Variants in IFT80 observed in about 807,000 individuals in gnomAD.
IFT80 encodes the protein intraflagellar transport protein 80 homolog.
Under a neutral mutation model 107.9 loss-of-function variants are expected in IFT80, and 79 were observed. The observed-to-expected ratio is 0.73, with a 90% CI of 0.61 to 0.88. The LOEUF (loss-of-function observed/expected upper bound fraction) is 0.88. Ranked by LOEUF, IFT80 falls within the 40% of genes least tolerant of loss-of-function variation. The probability of loss-of-function intolerance (pLI) is 0.00; values close to 1 mark genes in which losing one functional copy is unlikely to be tolerated. For missense variants in IFT80, 797 were observed against 914.2 expected, an observed-to-expected ratio of 0.87 and a Z score of 1.65; for synonymous variants, 299 against 300.9, an observed-to-expected ratio of 0.99 and a Z score of 0.07.
intron 10 of IFT80, among the ~76,000 whole-genome samples, 159 bp downstream of exon 10, chr3:160,307,504 T>A (rs1370075517): frequency 6.6e-6 from 1 of 152,180 alleles, no homozygotes; most frequent in Admixed American, 6.5e-5. Context: ...CTGCTCTAAG[T>A]TCACTTTCTC....
chr3:160,311,723 C>T (rs181124142), intron 9 of IFT80, among the ~76,000 whole-genome samples: 24 of 152,296 alleles, frequency 1.6e-4, no homozygotes, highest in African/African-American at 5.8e-4. Context: ...AAGAAAAACA[C>T]CTCTACTTGA....
chr3:160,325,270 G>T (rs1224679676), intron 8 of IFT80, among the ~76,000 whole-genome samples: 4 of 152,128 alleles, frequency 2.6e-5, no homozygotes, highest in Non-Finnish European at 5.9e-5. Flanking sequence ...CACAGAATTG[G>T]AAAAAACTAC....
intron 8 of IFT80, among the ~76,000 whole-genome samples, chr3:160,341,601 G>A (rs567198799): frequency 2.8e-4 from 42 of 152,162 alleles, no homozygotes; most frequent in East Asian, 5.8e-4. Context: ...CTGAGGGAGC[G>A]TTTAAAATTG....
chr3:160,275,911 T>G (rs1270155120), intron 18 of IFT80, among the ~76,000 whole-genome samples: 2 of 152,194 alleles, frequency 1.3e-5, no homozygotes, highest in Non-Finnish European at 2.9e-5. Context: ...GGCTTATTTA[T>G]TTATTTATTT....
chr3:160,265,206 A>G (rs1301220258), intron 19 of IFT80, among the ~76,000 whole-genome samples: 1 of 152,226 alleles, frequency 6.6e-6, no homozygotes, highest in African/African-American at 2.4e-5. Flanking sequence ...GAGGCACTCA[A>G]TAAATACTGA....
At chr3:160,315,698 TC>T (rs1027918790) in intron 9 of IFT80, among the ~76,000 whole-genome samples, 3 of 152,076 alleles carry the variant, frequency 2.0e-5, no homozygotes, top group Non-Finnish European at 4.4e-5. Flanking sequence ...CACCCTCTTT[TC>T]CCTTTGCCAT....
At chr3:160,345,183 TA>T (rs1720200491) in intron 8 of IFT80, among the ~76,000 whole-genome samples, 2 of 152,148 alleles carry the variant, frequency 1.3e-5, no homozygotes, top group Non-Finnish European at 2.9e-5. Flanking sequence ...GGAAGCAACC[TA>T]AGTGTCCATC....
intron 8 of IFT80, among the ~76,000 whole-genome samples, chr3:160,354,654 A>G (rs551082406): frequency 6.6e-6 from 1 of 152,232 alleles, no homozygotes; most frequent in South Asian, 2.1e-4. Context: ...CTCCGTCTCA[A>G]AAATAAATAA....
intron 16 of IFT80, among the ~76,000 whole-genome samples, chr3:160,278,813 G>A (rs1158220356): frequency 1.3e-5 from 2 of 152,026 alleles, no homozygotes; most frequent in Non-Finnish European, 2.9e-5. Context: ...AAGGCTGATC[G>A]AAAGCAGAGA....
At chr3:160,398,977 G>A (rs1006309349) in intron 1 of IFT80, among the ~76,000 whole-genome samples, 169 bp downstream of exon 1, 18 of 152,018 alleles carry the variant, frequency 1.2e-4, no homozygotes, top group Non-Finnish European at 2.2e-4. Context: ...AAAATTTAGG[G>A]CTTCCTCCTT....
intron 9 of IFT80, among the ~76,000 whole-genome samples, chr3:160,308,902 C>T (rs1316281746): frequency 1.3e-5 from 2 of 152,162 alleles, no homozygotes; most frequent in East Asian, 1.9e-4. Flanking sequence ...ACCCAGAGAG[C>T]TGCCTTGCCC....
intron 8 of IFT80, among the ~76,000 whole-genome samples, chr3:160,347,558 A>C (rs981764169): frequency 6.6e-6 from 1 of 152,236 alleles, no homozygotes; most frequent in African/African-American, 2.4e-5. Context: ...AAGAGGAAGG[A>C]AAAGATGACC....
At chr3:160,338,948 T>TA (rs1719689246) in intron 8 of IFT80, among the ~76,000 whole-genome samples, 1 of 152,086 alleles carries the variant, frequency 6.6e-6, no homozygotes, top group Non-Finnish European at 1.5e-5. Flanking sequence ...AAAGATAGAT[T>TA]AAAAAGAGAA....
intron 9 of IFT80, among the ~76,000 whole-genome samples, chr3:160,314,730 A>T (rs1165928896): frequency 1.3e-5 from 2 of 152,166 alleles, no homozygotes; most frequent in African/African-American, 4.8e-5. Flanking sequence ...GGGCTGTTAA[A>T]AAGTACAGCC....
intron 8 of IFT80, among the ~76,000 whole-genome samples, chr3:160,352,859 T>G (rs1450122214): frequency 6.6e-6 from 1 of 152,194 alleles, no homozygotes; most frequent in Non-Finnish European, 1.5e-5. Flanking sequence ...TTTCTTTCCA[T>G]CTCCACTGCT....
chr3:160,376,985 C>A (rs1712076142), intron 4 of IFT80, among the ~76,000 whole-genome samples: 1 of 152,116 alleles, frequency 6.6e-6, no homozygotes, highest in South Asian at 2.1e-4. Flanking sequence ...GATCCCTGAC[C>A]CACAGAAACT....
At chr3:160,383,808 C>T in intron 2 of IFT80, 18 of 985,390 alleles carry the variant, frequency 1.8e-5, no homozygotes, top group Non-Finnish European at 2.2e-5. Context: ...TTAATTGCCA[C>T]CTTCCCATGT....
chr3:160,357,173 C>T (rs770412169), intron 7 of IFT80, among the ~76,000 whole-genome samples: 2 of 152,116 alleles, frequency 1.3e-5, no homozygotes, highest in Non-Finnish European at 2.9e-5. Flanking sequence ...AATTATGGCT[C>T]ACTGCAGCCT....
At chr3:160,392,132 G>A (rs886373676) in intron 1 of IFT80, among the ~76,000 whole-genome samples, 47 of 152,192 alleles carry the variant, frequency 3.1e-4, no homozygotes, top group African/African-American at 1.1e-3. Context: ...CTTGATAAGG[G>A]TGTTGGCATT....
Sources: gnomAD v4.1 joint callset for allele counts (sites outside exome capture counted in the v4.1 genomes callset) on GRCh38, gnomAD v4.1.1 for gene constraint, MANE v1.5 for transcripts, NCBI Gene and HGNC (gene_info 2026-07-23, HGNC 2026-07-21) for gene names.